Variants in MTHFD1L observed in about 807,000 individuals in gnomAD.
MTHFD1L encodes monofunctional C1-tetrahydrofolate synthase, mitochondrial.
MTHFD1L carries 81 observed loss-of-function variants against 119.5 expected under a neutral mutation model. The ratio of observed to expected loss-of-function variants is 0.68; its 90% confidence interval spans 0.57 to 0.82. The LOEUF (loss-of-function observed/expected upper bound fraction) is 0.82. MTHFD1L is among the 40% of genes least tolerant of loss of function. The pLI is 0.00. For synonymous variants in MTHFD1L, 430 were observed against 475.2 expected, an observed-to-expected ratio of 0.90 and a Z score of 1.24; for missense variants, 1,125 against 1,253.4, an observed-to-expected ratio of 0.90 and a Z score of 1.55.
In MTHFD1L at chr6:151,098,038, A is replaced by T. The variant is rs9478949; in HGVS notation, c.*32-3488A>T. ...AAAATAGAAAAATTAGCCAGGCGTC[A>T]TGGCACGCACCTGTAATCTCAGCTA... On this transcript the variant is annotated intron_variant, in intron 27 of 27. Transcript: ENST00000367321. Among the ~76,000 whole-genome samples, 846 of 151,882 alleles carry T rather than the reference A, an allele frequency of 5.6e-3. 5 individuals carry two copies. The highest frequency in any genetic ancestry group is 0.019 in the African/African-American group (801 of 41,418).
chr6:150,918,404 T>A (rs1375665063), intron 8 of MTHFD1L, among the ~76,000 whole-genome samples, 173 bp from the exon 9 acceptor site: 1 of 152,186 alleles, frequency 6.6e-6, no homozygotes, highest in Non-Finnish European at 1.5e-5. Context: ...GCAGGCCCAA[T>A]GGAGGGCCCC....
chr6:151,027,921 G>A (rs1784805118), intron 24 of MTHFD1L, among the ~76,000 whole-genome samples: 1 of 152,182 alleles, frequency 6.6e-6, no homozygotes, highest in Admixed American at 6.5e-5. Context: ...TGTAGCTCAG[G>A]TTGTAGACAG....
intron 20 of MTHFD1L, among the ~76,000 whole-genome samples, chr6:151,007,804 A>T (rs1436130242): frequency 6.6e-6 from 1 of 152,152 alleles, no homozygotes; most frequent in African/African-American, 2.4e-5. Context: ...ACTGTAAGTG[A>T]TTTTCTCTGA....
At chr6:151,015,365 A>T (rs1782896797) in intron 23 of MTHFD1L, 151 bp from the exon 24 acceptor site, 1 of 860,514 alleles carries the variant, frequency 1.2e-6, no homozygotes, top group Non-Finnish European at 1.7e-6. Flanking sequence ...CCATGCTTTA[A>T]GTCTGATTTA....
intron 22 of MTHFD1L, 64 bp downstream of exon 22, chr6:151,013,884 C>A: frequency 1.4e-6 from 2 of 1,417,230 alleles, no homozygotes; most frequent in Non-Finnish European, 2.0e-6. Context: ...CGTTGGCTTT[C>A]AGTGAATGAG....
At chr6:151,016,444 C>T (rs1783065312) in intron 24 of MTHFD1L, among the ~76,000 whole-genome samples, 1 of 151,932 alleles carries the variant, frequency 6.6e-6, no homozygotes, top group South Asian at 2.1e-4. Context: ...GCCTCAGCCT[C>T]CTGACTAGCT....
At chr6:151,089,216 TA>T (rs1437862885) in intron 26 of MTHFD1L, among the ~76,000 whole-genome samples, 1 of 152,260 alleles carries the variant, frequency 6.6e-6, no homozygotes, top group African/African-American at 2.4e-5. Flanking sequence ...TCAGTGTGGC[TA>T]AATGTGAATA....
At chr6:150,905,605 A>G (rs1182927051) in intron 7 of MTHFD1L, 45 bp from the exon 8 acceptor site, 1 of 1,396,848 alleles carries the variant, frequency 7.2e-7, no homozygotes, top group Non-Finnish European at 1.0e-6. Context: ...TTGTGTCTTT[A>G]TGCCTCAGAT....
At chr6:150,892,135 G>A (rs1783410470) in intron 7 of MTHFD1L, among the ~76,000 whole-genome samples, 1 of 152,202 alleles carries the variant, frequency 6.6e-6, no homozygotes, top group Non-Finnish European at 1.5e-5. Flanking sequence ...GTTTGCACTT[G>A]AGAGCCCAGA....
intron 11 of MTHFD1L, among the ~76,000 whole-genome samples, chr6:150,927,302 G>A (rs1790170397): frequency 6.6e-6 from 1 of 151,942 alleles, no homozygotes; most frequent in Non-Finnish European, 1.5e-5. Flanking sequence ...CGCTGATAGA[G>A]TCTCTCAGCC....
At chr6:150,989,253 A>T (rs938559355) in intron 20 of MTHFD1L, among the ~76,000 whole-genome samples, 3 of 152,246 alleles carry the variant, frequency 2.0e-5, no homozygotes, top group Non-Finnish European at 2.9e-5. Flanking sequence ...GTGGAATGAT[A>T]AAGGAAGACT....
chr6:150,932,818 G>A (rs865913428), intron 11 of MTHFD1L, among the ~76,000 whole-genome samples: 3 of 129,000 alleles, frequency 2.3e-5, no homozygotes, highest in South Asian at 2.4e-4. Context: ...GAGGGAGGGA[G>A]GAAGGAAGGA....
At chr6:151,056,126 A>C (rs1419521852) in intron 26 of MTHFD1L, 2 of 152,180 alleles carry the variant, frequency 1.3e-5, no homozygotes, top group African/African-American at 2.4e-5. Flanking sequence ...AACTCTCCTA[A>C]ACCAGATACG....
intron 8 of MTHFD1L, among the ~76,000 whole-genome samples, chr6:150,910,202 T>C (rs1444956300): frequency 6.7e-6 from 1 of 148,720 alleles, no homozygotes; most frequent in Non-Finnish European, 1.5e-5. Flanking sequence ...AAAAAAAATG[T>C]AGTGGAAAGA....
chr6:150,916,271 A>AAAGGAAGG (rs1787841646), intron 8 of MTHFD1L, among the ~76,000 whole-genome samples: 1 of 135,752 alleles, frequency 7.4e-6, no homozygotes, highest in Admixed American at 7.5e-5. Context: ...TTTCTAAGTG[A>AAAGGAAGG]TGAAGGAAGG....
In MTHFD1L at chr6:151,015,626, A is replaced by G. The variant is rs931206949; in HGVS notation, c.2519A>G (p.Asp840Gly). Residue 840 changes from aspartate (D) to glycine (G), a missense_variant, in exon 24 of 28, where the codon GAC becomes GGC. Asp to Gly is a moderately conservative substitution (Grantham distance 94). Coordinates refer to ENST00000367321, the MANE Select transcript of MTHFD1L (RefSeq NM_015440.5). ...HWSVGGKGSV[D>G]LARAVREAAS... ...TCCGTTGGTGGAAAAGGATCGGTGG[A>G]CTTGGCTCGGGCTGTGAGAGAGGCT... The G allele has an allele frequency of 1.5e-5, 24 of 1,614,136 alleles. No individual in the cohort carries two copies. Among genetic ancestry groups the G allele is most frequent in the Non-Finnish European group, 1.9e-5 (23 of 1,180,024 alleles).
At chr6:150,924,725 G>A (rs917102148) in intron 10 of MTHFD1L, among the ~76,000 whole-genome samples, 2 of 151,812 alleles carry the variant, frequency 1.3e-5, no homozygotes, top group African/African-American at 2.4e-5. Context: ...TGATCCTCCC[G>A]CCTTGGCCTC....
chr6:150,935,174 A>G, intron 11 of MTHFD1L: 1 of 1,612,294 alleles, frequency 6.2e-7, no homozygotes, highest in South Asian at 1.1e-5. Context: ...TAAAACAGTC[A>G]CTTTTCACTT....
At chr6:151,091,068 C>T (rs1325033991) in intron 26 of MTHFD1L, among the ~76,000 whole-genome samples, 3 of 139,776 alleles carry the variant, frequency 2.1e-5, no homozygotes, top group Non-Finnish European at 3.0e-5. Flanking sequence ...GGTGCAGCAT[C>T]GTTCCATGCG....
Sources: allele counts gnomAD v4.1 joint callset (sites outside exome capture counted in the v4.1 genomes callset), GRCh38; gene constraint gnomAD v4.1.1; transcripts MANE v1.5; gene names NCBI Gene and HGNC (gene_info 2026-07-23, HGNC 2026-07-21).